TMEM266: variants seen among roughly 807,000 people sequenced by gnomAD.
TMEM266 encodes the protein transmembrane protein 266.
In TMEM266, 33 loss-of-function variants were observed where a neutral mutation model predicts 50.5. The ratio of observed to expected loss-of-function variants is 0.65; its 90% CI spans 0.50 to 0.87. The LOEUF (loss-of-function observed/expected upper bound fraction) is 0.87, where lower values mean the gene tolerates loss of function less well. Among genes scored for constraint, TMEM266 ranks in the 40% least tolerant of loss-of-function variants. The probability of loss-of-function intolerance (pLI) is 0.00; values close to 1 mark genes in which losing one functional copy is unlikely to be tolerated. For synonymous variants in TMEM266, 310 were observed against 292.3 expected (o/e 1.06, Z -0.62); for missense variants, 655 against 695.1 (o/e 0.94, Z 0.65).
chr15:76,069,800 C>T (rs973240879), intron 1 of TMEM266, among the ~76,000 whole-genome samples: 3 of 151,112 alleles, frequency 2.0e-5, no homozygotes, highest in South Asian at 2.1e-4. Context: ...CCTGGGCAGC[C>T]GAGTGAGGCT....
At chr15:76,157,602 C>G (rs1265679260) in intron 4 of TMEM266, among the ~76,000 whole-genome samples, 1 of 152,180 alleles carries the variant, frequency 6.6e-6, no homozygotes, top group Non-Finnish European at 1.5e-5. Context: ...GGTGTCTTGC[C>G]TCTTGACTTT....
intron 1 of TMEM266, among the ~76,000 whole-genome samples, chr15:76,098,482 C>T (rs2036953437): frequency 6.6e-6 from 1 of 152,104 alleles, no homozygotes; most frequent in African/African-American, 2.4e-5. Flanking sequence ...CTGCCAGATG[C>T]CAGCCAGAGC....
rs146281032 is a variant in TMEM266 at position 76,177,114 on chromosome 15, C to T, written c.768+1440C>T. On this transcript the variant is annotated intron_variant, in intron 8 of 10. Transcript: ENST00000388942. ...TAGCCTCTGCACCTCCTCCCCCAGC[C>T]CTGCAGCAGCCCTCACTTGTCCACA... 8.6e-4 allele frequency among the ~76,000 whole-genome samples: 131 copies of T among 152,320 alleles called. 1 individual carries two copies. The highest frequency in any genetic ancestry group is 3.0e-3 in the African/African-American group (124 of 41,560).
At chr15:76,167,580 T>C (rs1479411713) in intron 5 of TMEM266, among the ~76,000 whole-genome samples, 4 of 151,748 alleles carry the variant, frequency 2.6e-5, no homozygotes, top group Non-Finnish European at 5.9e-5. Flanking sequence ...CAGCTCACTG[T>C]AACCTCCGCC....
chr15:76,150,318 G>T (rs768096734), intron 3 of TMEM266, among the ~76,000 whole-genome samples: 1 of 152,144 alleles, frequency 6.6e-6, no homozygotes, highest in African/African-American at 2.4e-5. Context: ...CCCAGGCTTC[G>T]ATCTGGCTCC....
At chr15:76,198,216 C>T (rs1251417669) in intron 9 of TMEM266, among the ~76,000 whole-genome samples, 1 of 152,110 alleles carries the variant, frequency 6.6e-6, no homozygotes, top group Non-Finnish European at 1.5e-5. Flanking sequence ...TAAGGCCACA[C>T]AGCATGTGCC....
chr15:76,170,626 A>G (rs1183152772), intron 6 of TMEM266, among the ~76,000 whole-genome samples: 1 of 152,154 alleles, frequency 6.6e-6, no homozygotes, highest in Non-Finnish European at 1.5e-5. Flanking sequence ...GGAAGGAGGC[A>G]CCCTGAGCCT....
intron 1 of TMEM266, among the ~76,000 whole-genome samples, chr15:76,089,906 A>G (rs2036826291): frequency 1.3e-5 from 2 of 152,144 alleles, no homozygotes; most frequent in Non-Finnish European, 2.9e-5. Context: ...GAAAGAGGGA[A>G]AGATTAAGGA....
In TMEM266 at chr15:76,102,347, A is replaced by G. The variant is rs541595616; in HGVS notation, c.-96-31821A>G. Among the ~76,000 whole-genome samples, 249 of 152,290 alleles carry G rather than the reference A, an allele frequency of 1.6e-3. 3 individuals are homozygous for G. The highest frequency in any genetic ancestry group is 5.8e-3 in the African/African-American group (241 of 41,556). Reference sequence around the variant, plus strand: ...AGAAGGTGAGACATGTTCTGAAGAAAAATAAAGCTGGGAGATAGGGAATGT... The same window carrying G: ...AGAAGGTGAGACATGTTCTGAAGAAGAATAAAGCTGGGAGATAGGGAATGT... On this transcript the variant is annotated intron_variant, in intron 1 of 10. Coordinates refer to ENST00000388942, the MANE Select transcript of TMEM266 (RefSeq NM_152335.3).
chr15:76,184,337 G>A (rs967659436), intron 8 of TMEM266, among the ~76,000 whole-genome samples: 8 of 152,150 alleles, frequency 5.3e-5, no homozygotes, highest in Non-Finnish European at 1.0e-4. Flanking sequence ...GCCATCAGAG[G>A]AATAACTTAT....
chr15:76,131,003 A>G (rs1408857550), intron 1 of TMEM266, among the ~76,000 whole-genome samples: 1 of 152,212 alleles, frequency 6.6e-6, no homozygotes, highest in Non-Finnish European at 1.5e-5. Context: ...TTGCCTGCCC[A>G]GAGAGACAGG....
intron 1 of TMEM266, among the ~76,000 whole-genome samples, chr15:76,115,293 A>G (rs548345858): frequency 6.6e-6 from 1 of 152,232 alleles, no homozygotes; most frequent in African/African-American, 2.4e-5. Flanking sequence ...GCTTTCTTCC[A>G]ACGTATTGTT....
chr15:76,098,104 A>G (rs1003618107), intron 1 of TMEM266, among the ~76,000 whole-genome samples: 9 of 152,016 alleles, frequency 5.9e-5, no homozygotes, highest in African/African-American at 1.9e-4. Flanking sequence ...ACTTCTGTCA[A>G]TTCATCAAAC....
intron 1 of TMEM266, among the ~76,000 whole-genome samples, chr15:76,120,664 G>A (rs2037326960): frequency 6.6e-6 from 1 of 151,092 alleles, no homozygotes. Context: ...AGGAGGCTGA[G>A]GCAGGAGAAT....
rs1034767295 is a variant in TMEM266 at position 76,204,537 on chromosome 15, G to T, written c.*222G>T. On this transcript the variant is annotated 3_prime_UTR_variant, in exon 11 of 11. Coordinates refer to ENST00000388942, the MANE Select transcript of TMEM266 (RefSeq NM_152335.3). ...TTCTCGCCCTGCTCAGGGGAGGGTG[G>T]TGCTCGTGGCTGGGTTTTCTTTTTA... The T allele has an allele frequency of 6.9e-6, 3 of 436,764 alleles. No individual in the cohort carries two copies. The highest frequency in any genetic ancestry group is 6.0e-5 in the African/African-American group (3 of 50,098). 27.1% of individuals were successfully genotyped at this position (436,764 alleles called of 1,614,324 possible).
rs552296944 is a variant in TMEM266 at position 76,135,222 on chromosome 15, G to C, written c.38+921G>C. On this transcript the variant is annotated intron_variant, in intron 2 of 10. Transcript: ENST00000388942. ...GGGCATAGGCTCAAGGAGAGGTAAA[G>C]AATAGAACCATTAATACATTTTGTC... Among the ~76,000 whole-genome samples the C allele has an allele frequency of 5.3e-5, 8 of 152,330 alleles. 1 individual carries two copies. In the South Asian group the frequency reaches 1.4e-3, roughly 28 times the overall value.
chr15:76,199,540 TG>T (rs58603345), intron 9 of TMEM266, among the ~76,000 whole-genome samples: 42,787 of 152,084 alleles, frequency 0.28, 6,469 homozygotes, highest in East Asian at 0.56. Flanking sequence ...AGAGAAGACC[TG>T]GGTGTCCGTG....
At chr15:76,176,017 A>C in intron 8 of TMEM266, 1 of 217,020 alleles carries the variant, frequency 4.6e-6, no homozygotes, top group Non-Finnish European at 9.2e-6. Context: ...CCAGTCGCTA[A>C]TTCTGTCTGC....
Position 76,063,956 on chromosome 15 carries a change from T to C in TMEM266, c.-97+3940T>C, listed in dbSNP as rs150054601. ...AGCCGGTGTTGGGAAGAGAGGAACC[T>C]GTAAAGATGGGGAAAAAGTCACCTG... On this transcript the variant is annotated intron_variant, in intron 1 of 10. Coordinates refer to ENST00000388942, the MANE Select transcript of TMEM266 (RefSeq NM_152335.3). 4.2e-3 allele frequency among the ~76,000 whole-genome samples: 635 copies of C among 152,252 alleles called. 10 individuals are homozygous for C. The highest frequency in any genetic ancestry group is 0.015 in the African/African-American group (611 of 41,546).
Sources: gnomAD v4.1 joint callset for allele counts (sites outside exome capture counted in the v4.1 genomes callset) on GRCh38, gnomAD v4.1.1 for gene constraint, MANE v1.5 for transcripts, NCBI Gene and HGNC (gene_info 2026-07-23, HGNC 2026-07-21) for gene names.